The following LRIG2 variants were observed in gnomAD, a reference collection of about 807,000 sequenced individuals.
LRIG2 encodes the protein leucine-rich repeats and immunoglobulin-like domains protein 2.
LRIG2 carries 93 observed loss-of-function variants against 107.8 expected under a neutral mutation model. The observed-to-expected ratio is 0.86, with a 90% CI of 0.73 to 1.03. The LOEUF (loss-of-function observed/expected upper bound fraction) is 1.03. Among genes scored for constraint, LRIG2 ranks in the 50% least tolerant of loss-of-function variants. The pLI, the probability that LRIG2 is intolerant of heterozygous loss-of-function variation, is 0.00. For synonymous variants in LRIG2, 471 were observed against 470.6 expected, an observed-to-expected ratio of 1.00 and a Z score of -0.01; for missense variants, 1,226 against 1,296.0, an observed-to-expected ratio of 0.95 and a Z score of 0.83.
intron 11 of LRIG2, chr1:113,100,848 T>C (rs1654277668): frequency 5.9e-6 from 1 of 168,918 alleles, no homozygotes; most frequent in Non-Finnish European, 1.3e-5. Flanking sequence ...AAAGGTATTA[T>C]GTGATTTTGT....
At chr1:113,073,669 T>G (rs1178821712) in intron 1 of LRIG2, 24 bp downstream of exon 1, 1 of 1,595,626 alleles carries the variant, frequency 6.3e-7, no homozygotes. Context: ...CCAGGCAGAG[T>G]GACCAAAAGG....
At chr1:113,093,725 T>A (rs1330352766) in intron 4 of LRIG2, among the ~76,000 whole-genome samples, 161 bp downstream of exon 4, 4 of 152,262 alleles carry the variant, frequency 2.6e-5, no homozygotes, top group Non-Finnish European at 5.9e-5. Context: ...TATACATATG[T>A]AACTAACCTG....
rs150225683 is a variant in LRIG2, at chr1:113,085,503, C to T, written c.240-5815C>T. Among the ~76,000 whole-genome samples, 23 of 152,256 alleles carry T rather than the reference C, an allele frequency of 1.5e-4. No homozygotes were observed. The East Asian group carries it at 4.1e-3, about 27-fold the overall frequency. On this transcript the variant is annotated intron_variant, in intron 1 of 17. Transcript: ENST00000361127. Reference sequence around the variant, plus strand: ...TTCTCCATGTTGGTCAGGCTGGTCCCGCACTTCTGACCTCAGGTGATCCGC... The same window carrying T: ...TTCTCCATGTTGGTCAGGCTGGTCCTGCACTTCTGACCTCAGGTGATCCGC...
intron 14 of LRIG2, among the ~76,000 whole-genome samples, chr1:113,113,513 GAAA>G (rs1654862033): frequency 6.8e-6 from 1 of 147,912 alleles, no homozygotes; most frequent in Non-Finnish European, 1.5e-5. Context: ...TGTATAACCA[GAAA>G]AATAAGAAGT....
chr1:113,114,358 T>G, intron 14 of LRIG2, 69 bp from the exon 15 acceptor site: 2 of 972,092 alleles, frequency 2.1e-6, no homozygotes, highest in Non-Finnish European at 3.1e-6. Context: ...ATTGGTCTAA[T>G]TCAGTAGAAA....
intron 17 of LRIG2, 95 bp downstream of exon 17, chr1:113,119,618 C>A: frequency 8.5e-7 from 1 of 1,176,510 alleles, no homozygotes; most frequent in Non-Finnish European, 1.2e-6. Flanking sequence ...TGACAGGAAG[C>A]AAGCAGATGG....
chr1:113,095,556 G>A (rs1017274098), intron 6 of LRIG2, among the ~76,000 whole-genome samples: 2 of 151,834 alleles, frequency 1.3e-5, no homozygotes, highest in African/African-American at 2.4e-5. Flanking sequence ...CTACAGGCGC[G>A]CGCCACCGTG....
chr1:113,075,503 A>G (rs1652933624), intron 1 of LRIG2, among the ~76,000 whole-genome samples: 1 of 152,088 alleles, frequency 6.6e-6, no homozygotes, highest in Non-Finnish European at 1.5e-5. Context: ...GGTTTTATTG[A>G]CCCAAATTTA....
chr1:113,081,751 C>T (rs1293440108), intron 1 of LRIG2, among the ~76,000 whole-genome samples: 1 of 152,088 alleles, frequency 6.6e-6, no homozygotes, highest in Non-Finnish European at 1.5e-5. Context: ...AAACTCCTGA[C>T]CTCAGGTGAT....
chr1:113,113,185 A>G (rs964926336), intron 14 of LRIG2, among the ~76,000 whole-genome samples: 1 of 140,314 alleles, frequency 7.1e-6, no homozygotes, highest in African/African-American at 2.6e-5. Context: ...GTTTGCTCCT[A>G]GTTCATTTTC....
Position 113,127,645 on chromosome 1 carries a change from ACCTCTG to A in LRIG2, c.*3549_*3554del, listed in dbSNP as rs2101079403. The A allele has an allele frequency of 6.6e-6, 1 of 151,146 alleles. No homozygotes were observed. Among genetic ancestry groups the A allele is most frequent in the African/African-American group, 2.4e-5 (1 of 41,070 alleles). The allele number at this position is 151,146 out of a possible 1,614,324, so 9.4% of individuals were successfully genotyped here. ...AGTGGCACAATCTCGGCTCACTGCAACCTCTGCCTCCCGAGTTCAAGCCCTTCTTCT... is the reference window on the plus strand; with the variant it reads ...AGTGGCACAATCTCGGCTCACTGCAACCTCCCGAGTTCAAGCCCTTCTTCT... On this transcript the variant is annotated 3_prime_UTR_variant, in exon 18 of 18. Transcript: ENST00000361127.
Position 113,113,527 on chromosome 1 carries a change from CATTTATTTATTTATTTATTT to C in LRIG2, c.2080+800_2080+819del, listed in dbSNP as rs71590539. 7.3e-4 allele frequency among the ~76,000 whole-genome samples: 101 copies of C among 138,490 alleles called. No individual in the cohort carries two copies. The East Asian group carries it at 7.3e-3, about 10-fold the overall frequency. 90.9% of individuals were successfully genotyped at this position (138,490 alleles called of 152,430 possible). ...TTGTATAACCAGAAAAATAAGAAGT[CATTTATTTATTTATTTATTT>C]ATTTATTTATTTATTTATTTATTTA... is the stretch of plus-strand genomic sequence containing the variant. On this transcript the variant is annotated intron_variant, in intron 14 of 17. Coordinates refer to ENST00000361127, the MANE Select transcript of LRIG2 (RefSeq NM_014813.3).
chr1:113,124,245 C>T lies in LRIG2; in HGVS notation c.*144C>T, dbSNP rs952094079. On this transcript the variant is annotated 3_prime_UTR_variant, in exon 18 of 18. Transcript: ENST00000361127. ...TCTGACCGCACCAAGGTGGGCCATG[C>T]GTTGTTTGGTCTTATACCTGATGAA... 18 of 705,036 alleles carry T rather than the reference C, an allele frequency of 2.6e-5. No homozygotes were observed. The highest frequency in any genetic ancestry group is 8.1e-5 in the East Asian group (3 of 37,010). 43.7% of individuals were successfully genotyped at this position (705,036 alleles called of 1,614,324 possible). A position where few individuals can be genotyped will look rare whatever the true frequency, so the allele number is the denominator to read the frequency against.
Position 113,091,217 on chromosome 1 carries a change from C to T in LRIG2, c.240-101C>T, listed in dbSNP as rs1653805881. 7 of 715,068 alleles carry T rather than the reference C, an allele frequency of 9.8e-6. No homozygotes were observed. The South Asian group carries it at 1.3e-4, about 13-fold the overall frequency. The allele number at this position is 715,068 out of a possible 1,614,324, so 44.3% of individuals were successfully genotyped here. A position where few individuals can be genotyped will look rare whatever the true frequency, so the allele number is the denominator to read the frequency against. ...AGGATTACAGGCATGAGCCACTGTA[C>T]CTGGCCAAGAGGACTTTTTGTATTT... is the stretch of plus-strand genomic sequence containing the variant. On this transcript the variant is annotated intron_variant, in intron 1 of 17. Coordinates refer to ENST00000361127, the MANE Select transcript of LRIG2 (RefSeq NM_014813.3).
intron 8 of LRIG2, 40 bp downstream of exon 8, chr1:113,096,405 T>G: frequency 6.3e-7 from 1 of 1,579,632 alleles, no homozygotes; most frequent in Non-Finnish European, 8.6e-7. Flanking sequence ...TTGTTACTGA[T>G]TTTTTTAGTA....
At chr1:113,088,423 G>T (rs1391573819) in intron 1 of LRIG2, among the ~76,000 whole-genome samples, 1 of 152,116 alleles carries the variant, frequency 6.6e-6, no homozygotes, top group African/African-American at 2.4e-5. Flanking sequence ...TCATTTTATT[G>T]CTTTAGATTT....
chr1:113,108,881 A>G lies in LRIG2; in HGVS notation c.1477+1124A>G, dbSNP rs147307246. Among the ~76,000 whole-genome samples, 572 of 152,294 alleles carry G rather than the reference A, an allele frequency of 3.8e-3. 3 individuals carry two copies. Among genetic ancestry groups the G allele is most frequent in the Middle Eastern group, 0.014 (4 of 294 alleles). On this transcript the variant is annotated intron_variant, in intron 12 of 17. Coordinates refer to ENST00000361127, the MANE Select transcript of LRIG2 (RefSeq NM_014813.3). ...ACAGAGTGAGACTCTGTCTCAAAAA[A>G]ACAATTTTTTTTTTCTTTAAAGTGG...
intron 13 of LRIG2, among the ~76,000 whole-genome samples, chr1:113,111,899 C>T (rs1018116516): frequency 6.6e-6 from 1 of 152,088 alleles, no homozygotes; most frequent in African/African-American, 2.4e-5. Flanking sequence ...CCTTCGCCTC[C>T]TAGTTTCAAG....
rs559016801 is a variant in LRIG2, at chr1:113,127,295, C to T, written c.*3194C>T. The T allele has an allele frequency of 2.7e-4, 41 of 151,924 alleles. No individual in the cohort carries two copies. Among genetic ancestry groups the T allele is most frequent in the African/African-American group, 9.7e-4 (40 of 41,450 alleles). The allele number at this position is 151,924 out of a possible 1,614,324, so 9.4% of individuals were successfully genotyped here. On this transcript the variant is annotated 3_prime_UTR_variant, in exon 18 of 18. Coordinates refer to ENST00000361127, the MANE Select transcript of LRIG2 (RefSeq NM_014813.3). ...AGCGCAGTGGCATGATCTTGGCTTA[C>T]TGCAACCTCCGCCTCCCAGGTTCAA... is the stretch of plus-strand genomic sequence containing the variant.
Sources: gnomAD v4.1 joint callset for allele counts (sites outside exome capture counted in the v4.1 genomes callset) on GRCh38, gnomAD v4.1.1 for gene constraint, MANE v1.5 for transcripts, NCBI Gene and HGNC (gene_info 2026-07-23, HGNC 2026-07-21) for gene names.